CHP1: variants seen among roughly 807,000 people sequenced by gnomAD.
CHP1 encodes calcineurin like EF-hand protein 1.
Under a neutral mutation model 27.4 loss-of-function variants are expected in CHP1, and 11 were observed. That is an observed-to-expected ratio of 0.40 (90% CI 0.25 to 0.67). CHP1 has a LOEUF of 0.67. CHP1 is among the 30% of genes least tolerant of loss of function. The pLI is 0.38. For synonymous variants in CHP1, 89 were observed against 87.4 expected (o/e 1.02, Z -0.10); for missense variants, 169 against 251.3 (o/e 0.67, Z 2.22).
intron 1 of CHP1, among the ~76,000 whole-genome samples, chr15:41,237,869 C>T (rs1316737416): frequency 1.3e-5 from 2 of 152,042 alleles, no homozygotes; most frequent in South Asian, 2.1e-4. Flanking sequence ...GCCACCATGC[C>T]CGGCTAATTT....
intron 1 of CHP1, chr15:41,234,244 A>G (rs771440696): frequency 2.6e-5 from 4 of 152,196 alleles, no homozygotes; most frequent in Admixed American, 6.5e-5. Flanking sequence ...GGTGTGAGCC[A>G]CTGCGCCAAG....
chr15:41,253,423 GTATT>G (rs71732753), intron 2 of CHP1, among the ~76,000 whole-genome samples: 41,295 of 144,322 alleles, frequency 0.29, 6,364 homozygotes, highest in East Asian at 0.48. Flanking sequence ...AGTTGACAAA[GTATT>G]TATTTATTTA....
chr15:41,274,968 C>A (rs1320953025), intron 5 of CHP1, among the ~76,000 whole-genome samples: 1 of 151,322 alleles, frequency 6.6e-6, no homozygotes, highest in Non-Finnish European at 1.5e-5. Flanking sequence ...TTTTTGTATT[C>A]TTAGTCGAGA....
intron 3 of CHP1, 108 bp downstream of exon 3, chr15:41,257,098 CCT>C (rs10549923): frequency 0.082 from 62,544 of 765,390 alleles, 4,146 homozygotes; most frequent in African/African-American, 0.27. Flanking sequence ...TGTGATACCC[CCT>C]GATTATATTG....
chr15:41,249,495 T>G (rs2047353511), intron 2 of CHP1, among the ~76,000 whole-genome samples: 1 of 118,158 alleles, frequency 8.5e-6, no homozygotes, highest in Admixed American at 1.0e-4. Flanking sequence ...TTTTTTGAGA[T>G]GGAGTCTCGC....
In CHP1 at chr15:41,243,732, A is replaced by T; in HGVS notation, c.133A>T (p.Thr45Ser). ...CAGCCTGGACAAAGGAGAGAATGGGACTCTCAGGTAGGCAGTGTTTTTCTT... is the reference window on the plus strand; with the variant it reads ...CAGCCTGGACAAAGGAGAGAATGGGTCTCTCAGGTAGGCAGTGTTTTTCTT... ...FTSLDKGENGTLSREDFQRIP... is the reference protein window; with the variant it reads ...FTSLDKGENGSLSREDFQRIP... Residue 45 changes from threonine (T) to serine (S), a missense_variant, in exon 2 of 7, where the codon ACT (threonine) becomes TCT (serine). Thr to Ser is a moderately conservative substitution (Grantham distance 58, BLOSUM62 1). Transcript: ENST00000334660. The T allele has an allele frequency of 6.2e-7, 1 of 1,613,836 alleles. No homozygotes were observed. The highest frequency in any genetic ancestry group is 1.7e-5 in the Admixed American group (1 of 59,978).
At chr15:41,231,616 C>A (rs759056410) in intron 1 of CHP1, among the ~76,000 whole-genome samples, 167 bp downstream of exon 1, 1 of 152,054 alleles carries the variant, frequency 6.6e-6, no homozygotes, top group Non-Finnish European at 1.5e-5. Context: ...CCAGCTGCAG[C>A]TTCCTGGAGC....
chr15:41,253,240 G>A (rs1345802605), intron 2 of CHP1, among the ~76,000 whole-genome samples: 2 of 150,522 alleles, frequency 1.3e-5, no homozygotes, highest in East Asian at 2.0e-4. Flanking sequence ...CCCGGCCTTC[G>A]GATGGATCTT....
chr15:41,273,088 C>T (rs868163224), intron 5 of CHP1, among the ~76,000 whole-genome samples: 22 of 151,832 alleles, frequency 1.4e-4, no homozygotes, highest in South Asian at 4.1e-4. Flanking sequence ...AAAATTATAG[C>T]CCAATCTCTT....
intron 2 of CHP1, among the ~76,000 whole-genome samples, chr15:41,247,700 C>T (rs927529983): frequency 2.9e-4 from 40 of 136,530 alleles, no homozygotes; most frequent in African/African-American, 8.3e-4. Context: ...GGGCCGGGCG[C>T]GGTGGTTCAC....
At position 41,267,536 on chromosome 15, in the gene CHP1, C is replaced by G. The variant is rs1195095834; in HGVS notation, c.350-3021C>G. 2.6e-5 allele frequency among the ~76,000 whole-genome samples: 4 copies of G among 151,882 alleles called. No homozygotes were observed. The East Asian group carries it at 7.7e-4, about 29-fold the overall frequency. ...AATTAGCTGGGTGTGGTGGCACATA[C>G]CTGTAGTCCCAGCTACTCAGGAGGC... is the stretch of plus-strand genomic sequence containing the variant. On this transcript the variant is annotated intron_variant, in intron 4 of 6. Transcript: ENST00000334660.
At chr15:41,277,614 C>T (rs1213129759) in intron 5 of CHP1, among the ~76,000 whole-genome samples, 2 of 152,074 alleles carry the variant, frequency 1.3e-5, no homozygotes, top group Non-Finnish European at 2.9e-5. Flanking sequence ...ATGGCGAAAC[C>T]CCATCTCTAC....
chr15:41,267,653 C>T (rs1365028949), intron 4 of CHP1, among the ~76,000 whole-genome samples: 1 of 150,258 alleles, frequency 6.7e-6, no homozygotes, highest in African/African-American at 2.5e-5. Context: ...CAGAGCAAGA[C>T]TCCGTCTCCC....
chr15:41,265,840 C>G (rs147017616), intron 4 of CHP1, among the ~76,000 whole-genome samples: 21 of 152,234 alleles, frequency 1.4e-4, no homozygotes, highest in African/African-American at 4.8e-4. Context: ...TTCTAAGCCA[C>G]GGTGAGAGAA....
At chr15:41,257,059 A>C in intron 3 of CHP1, 69 bp downstream of exon 3, 4 of 1,193,746 alleles carry the variant, frequency 3.4e-6, no homozygotes, top group Non-Finnish European at 4.9e-6. Context: ...CTAATCTGGA[A>C]TAATGATATT....
intron 2 of CHP1, among the ~76,000 whole-genome samples, chr15:41,249,171 C>T (rs1250639740): frequency 6.6e-6 from 1 of 152,114 alleles, no homozygotes; most frequent in Non-Finnish European, 1.5e-5. Flanking sequence ...GAACAGCTTC[C>T]ACCTTCTTTT....
intron 4 of CHP1, among the ~76,000 whole-genome samples, chr15:41,263,544 T>C (rs1284575552): frequency 6.6e-6 from 1 of 152,220 alleles, no homozygotes; most frequent in Non-Finnish European, 1.5e-5. Flanking sequence ...TAAATTTATC[T>C]TTTTATTCAG....
intron 2 of CHP1, among the ~76,000 whole-genome samples, chr15:41,251,183 G>A (rs1436645327): frequency 2.6e-5 from 4 of 152,044 alleles, no homozygotes; most frequent in African/African-American, 4.8e-5. Flanking sequence ...ACAGAAAAGT[G>A]CACAAATCAA....
At chr15:41,250,586 A>G (rs1195039962) in intron 2 of CHP1, among the ~76,000 whole-genome samples, 1 of 151,198 alleles carries the variant, frequency 6.6e-6, no homozygotes, top group Non-Finnish European at 1.5e-5. Context: ...ATAAATAATA[A>G]ATAAATAAAT....
Sources: gnomAD v4.1 joint callset for allele counts (sites outside exome capture counted in the v4.1 genomes callset) on GRCh38, gnomAD v4.1.1 for gene constraint, MANE v1.5 for transcripts, NCBI Gene and HGNC (gene_info 2026-07-23, HGNC 2026-07-21) for gene names.